Variants in SORT1 observed in about 807,000 individuals in gnomAD.
The protein encoded by SORT1 is sortilin.
In SORT1, 39 loss-of-function variants were observed where a neutral mutation model predicts 101.7. That is an observed-to-expected ratio of 0.38 (90% confidence interval 0.30 to 0.50). The LOEUF (loss-of-function observed/expected upper bound fraction) is 0.50. Ranked by LOEUF, SORT1 falls within the 20% of genes least tolerant of loss-of-function variation. SORT1 has a pLI of 0.90. For missense variants in SORT1, 878 were observed against 1,040.4 expected, an observed-to-expected ratio of 0.84 and a Z score of 2.15; for synonymous variants, 396 against 393.7, an observed-to-expected ratio of 1.01 and a Z score of -0.07.
chr1:109,376,068 C>T (rs988015776), intron 1 of SORT1, among the ~76,000 whole-genome samples: 3 of 152,156 alleles, frequency 2.0e-5, no homozygotes, highest in East Asian at 1.9e-4. Context: ...AAGGGCCGGG[C>T]GTGGTGGCTC....
At chr1:109,340,183 A>C (rs1557794530) in intron 10 of SORT1, among the ~76,000 whole-genome samples, 1 of 151,864 alleles carries the variant, frequency 6.6e-6, no homozygotes, top group Admixed American at 6.6e-5. Context: ...AAGAAAAAAA[A>C]GGTGCTATAT....
In SORT1 at chr1:109,347,497, G is replaced by T. The variant is rs1277291330; in HGVS notation, c.818C>A (p.Ala273Glu). 6.2e-7 allele frequency: 1 copy of T among 1,609,486 alleles called. No individual in the cohort carries two copies. The highest frequency in any genetic ancestry group is 1.3e-5 in the African/African-American group (1 of 74,948). The part of the protein sequence containing the change: ...SDNTIFFTTY[A>E]NGSCKADLGA... Reference sequence around the variant, plus strand: ...AATATACTTACTGCAGGAGCCATTTGCATAGGTTGTAAAGAAGATGGTGTT... The same window carrying T: ...AATATACTTACTGCAGGAGCCATTTTCATAGGTTGTAAAGAAGATGGTGTT... Residue 273 changes from alanine to glutamate, a missense_variant, in exon 7 of 20, where the codon GCA becomes GAA. Physicochemically the swap from Ala to Glu is moderately radical, Grantham distance 107. This residue lies in a region of SORT1 where 684 missense variants were observed against 894.5 expected (regional missense o/e 0.76). Coordinates refer to ENST00000256637, the MANE Select transcript of SORT1 (RefSeq NM_002959.7).
At chr1:109,377,288 G>A (rs187110281) in intron 1 of SORT1, among the ~76,000 whole-genome samples, 2 of 152,098 alleles carry the variant, frequency 1.3e-5, no homozygotes, top group Non-Finnish European at 2.9e-5. Flanking sequence ...CTAGCACAAG[G>A]TCTTATATTT....
intron 1 of SORT1, among the ~76,000 whole-genome samples, chr1:109,372,032 G>C (rs1191048331): frequency 6.6e-6 from 1 of 152,178 alleles, no homozygotes; most frequent in African/African-American, 2.4e-5. Flanking sequence ...ATATGGAAAG[G>C]AGATAAATCC....
chr1:109,366,078 T>C (rs1651069943), intron 3 of SORT1, among the ~76,000 whole-genome samples: 1 of 152,192 alleles, frequency 6.6e-6, no homozygotes, highest in Non-Finnish European at 1.5e-5. Flanking sequence ...TAGGGGAAAA[T>C]GAGACAGACA....
intron 1 of SORT1, among the ~76,000 whole-genome samples, chr1:109,382,658 G>T (rs1274913452): frequency 6.6e-6 from 1 of 152,130 alleles, no homozygotes; most frequent in Non-Finnish European, 1.5e-5. Context: ...GATTTCTGGT[G>T]TCCCAGATGG....
intron 1 of SORT1, among the ~76,000 whole-genome samples, chr1:109,377,239 T>C (rs915196066): frequency 6.6e-6 from 1 of 152,224 alleles, no homozygotes; most frequent in Non-Finnish European, 1.5e-5. Flanking sequence ...CTATAAATTC[T>C]TAATGGCAGA....
chr1:109,317,069 G>A lies in SORT1; in HGVS notation c.2142-111C>T, dbSNP rs878994031. On this transcript the variant is annotated intron_variant, in intron 16 of 19. Coordinates refer to ENST00000256637, the MANE Select transcript of SORT1 (RefSeq NM_002959.7). ...CTGCCGAAAAGCTTCCCATCCTTACGTCATGTTTCAGGCCTGGGGGGAATG... is the reference window on the plus strand; with the variant it reads ...CTGCCGAAAAGCTTCCCATCCTTACATCATGTTTCAGGCCTGGGGGGAATG... The A allele has an allele frequency of 1.8e-5, 13 of 717,876 alleles. No homozygotes were observed. In the Admixed American group the frequency reaches 2.5e-4, roughly 14 times the overall value. 44.5% of individuals were successfully genotyped at this position (717,876 alleles called of 1,614,324 possible). A position where few individuals can be genotyped will look rare whatever the true frequency, so the allele number is the denominator to read the frequency against.
chr1:109,359,370 G>C (rs1204220362), intron 3 of SORT1, among the ~76,000 whole-genome samples: 1 of 151,972 alleles, frequency 6.6e-6, no homozygotes, highest in Non-Finnish European at 1.5e-5. Context: ...AGTTCAGAGG[G>C]AACATAAACA....
At chr1:109,355,652 C>A (rs576965195) in intron 3 of SORT1, among the ~76,000 whole-genome samples, 183 bp from the exon 4 acceptor site, 1 of 137,706 alleles carries the variant, frequency 7.3e-6, no homozygotes. Flanking sequence ...CCCGCCCCCC[C>A]CCCCACAAAC....
chr1:109,365,273 G>A (rs1179154761), intron 3 of SORT1, among the ~76,000 whole-genome samples: 1 of 152,114 alleles, frequency 6.6e-6, no homozygotes, highest in Non-Finnish European at 1.5e-5. Context: ...ACCCAGCCTG[G>A]AGTGCAGTGA....
intron 4 of SORT1, 44 bp from the exon 5 acceptor site, chr1:109,354,575 T>C (rs754626601): frequency 1.4e-6 from 2 of 1,473,418 alleles, no homozygotes; most frequent in East Asian, 4.6e-5. Context: ...TGATACTATC[T>C]ATGCAAGCAC....
intron 8 of SORT1, among the ~76,000 whole-genome samples, chr1:109,343,623 T>C (rs1327269273): frequency 6.6e-6 from 1 of 152,210 alleles, no homozygotes; most frequent in Non-Finnish European, 1.5e-5. Context: ...AGATATCTAA[T>C]AGGTGTCTCA....
At chr1:109,318,816 C>T (rs554195399) in intron 15 of SORT1, among the ~76,000 whole-genome samples, 1 of 152,266 alleles carries the variant, frequency 6.6e-6, no homozygotes, top group Non-Finnish European at 1.5e-5. Flanking sequence ...CCATGCTCGT[C>T]TAATTCTTTG....
intron 1 of SORT1, among the ~76,000 whole-genome samples, chr1:109,369,870 T>C (rs1041343938): frequency 1.3e-5 from 2 of 152,190 alleles, no homozygotes; most frequent in African/African-American, 4.8e-5. Context: ...GACAATCTAA[T>C]TGCTTTCTCC....
intron 3 of SORT1, 97 bp downstream of exon 3, chr1:109,367,311 T>A: frequency 1.4e-6 from 1 of 696,948 alleles, no homozygotes; most frequent in Non-Finnish European, 2.5e-6. Flanking sequence ...GAAGATCTTT[T>A]ACATCAACTG....
chr1:109,329,285 G>A (rs113601917), intron 11 of SORT1, among the ~76,000 whole-genome samples: 60 of 152,170 alleles, frequency 3.9e-4, no homozygotes, highest in African/African-American at 1.3e-3. Flanking sequence ...ACGGAGTGTC[G>A]CTCTGCCACC....
Position 109,351,133 on chromosome 1 carries a change from G to A in SORT1, c.709-131C>T, listed in dbSNP as rs372981403. On this transcript the variant is annotated intron_variant, in intron 5 of 19. Transcript: ENST00000256637. ...TACTGAAGCTCCATCAGAGCTGCCCGAGCTCCACAGACACACACGTAGTTT... is the reference window on the plus strand; with the variant it reads ...TACTGAAGCTCCATCAGAGCTGCCCAAGCTCCACAGACACACACGTAGTTT... 32 of 714,560 alleles carry A rather than the reference G, an allele frequency of 4.5e-5. 1 individual carries two copies. Among genetic ancestry groups the A allele is most frequent in the East Asian group, 2.5e-5 (1 of 39,844 alleles). The allele number at this position is 714,560 out of a possible 1,614,324, so 44.3% of individuals were successfully genotyped here.
In SORT1 at chr1:109,345,733, G is replaced by T. The variant is rs768619492; in HGVS notation, c.963+18C>A. The T allele has an allele frequency of 4.4e-6, 7 of 1,602,892 alleles. No homozygotes were observed. The highest frequency in any genetic ancestry group is 6.0e-6 in the Non-Finnish European group (7 of 1,176,160). ...TTGCAGAAATATCAGACCCCAAAGG[G>T]GAGAGGGCAATACCTACCTTATCAG... On this transcript the variant is annotated intron_variant, in intron 8 of 19. Transcript: ENST00000256637.
Sources: gnomAD v4.1 joint callset for allele counts (sites outside exome capture counted in the v4.1 genomes callset) on GRCh38, gnomAD v4.1.1 for gene constraint, gnomAD v4.1.1 regional missense constraint, MANE v1.5 for transcripts, NCBI Gene and HGNC (gene_info 2026-07-23, HGNC 2026-07-21) for gene names.